TENM3: variants seen among roughly 807,000 people sequenced by gnomAD.
TENM3 encodes the protein teneurin transmembrane protein 3, also known as teneurin-3.
A neutral mutation model predicts 255.1 loss-of-function variants in TENM3; 63 were observed. The observed-to-expected ratio is 0.25, with a 90% CI of 0.20 to 0.30. The LOEUF (loss-of-function observed/expected upper bound fraction) is 0.30. Ranked by LOEUF, TENM3 falls within the 10% of genes least tolerant of loss-of-function variation. TENM3 has a pLI of 1.00. For missense variants in TENM3, 2,929 were observed against 3,461.1 expected (o/e 0.85, Z 3.86); for synonymous variants, 1,306 against 1,322.3 (o/e 0.99, Z 0.27).
chr4:181,764,609 C>A, the TENM3 span, among the ~76,000 whole-genome samples: 20 of 152,248 alleles, frequency 1.3e-4, no homozygotes, highest in South Asian at 4.1e-3. Context: ...AGCAACTATT[C>A]CCCCAGAAGA....
chr4:182,247,692 G>A lies in TENM3; in HGVS notation c.-76+4216G>A, dbSNP rs533512136. 1.7e-4 allele frequency among the ~76,000 whole-genome samples: 26 copies of A among 152,272 alleles called. No homozygotes were observed. In the South Asian group the frequency reaches 5.4e-3, roughly 32 times the overall value. ...TACTGAAATGACAAATAAGTAAATC[G>A]CAGTAGCAACTGGACCAAGGATGGC... is the stretch of plus-strand genomic sequence containing the variant. On this transcript the variant is annotated intron_variant, in intron 1 of 27. Transcript: ENST00000511685.
the TENM3 span, among the ~76,000 whole-genome samples, chr4:181,716,188 A>G: frequency 1.3e-5 from 2 of 152,232 alleles, no homozygotes; most frequent in Non-Finnish European, 2.9e-5. Flanking sequence ...TAGAAATATA[A>G]TCTTAGGCAC....
the TENM3 span, among the ~76,000 whole-genome samples, chr4:181,681,451 G>T: frequency 6.6e-6 from 1 of 152,010 alleles, no homozygotes; most frequent in Non-Finnish European, 1.5e-5. Context: ...AAAGCCTTAG[G>T]GGTTCAGTGG....
chr4:181,472,333 C>A, the TENM3 span, among the ~76,000 whole-genome samples: 1 of 151,124 alleles, frequency 6.6e-6, no homozygotes, highest in Non-Finnish European at 1.5e-5. Flanking sequence ...GTGGAAGGAC[C>A]CTTACAACAA....
the TENM3 span, among the ~76,000 whole-genome samples, chr4:181,528,384 A>G: frequency 1.1e-4 from 16 of 152,336 alleles, no homozygotes; most frequent in South Asian, 3.3e-3. Context: ...ACCCTCTAGC[A>G]CAGTGCTGTG....
chr4:182,250,070 TGAGACG>T (rs1185408062), intron 1 of TENM3, among the ~76,000 whole-genome samples: 4 of 150,138 alleles, frequency 2.7e-5, no homozygotes. Context: ...TTTTTTTTTT[TGAGACG>T]GAGTCTTGCT....
chr4:182,700,479 C>T (rs1294097895), intron 12 of TENM3, among the ~76,000 whole-genome samples: 1 of 152,152 alleles, frequency 6.6e-6, no homozygotes, highest in Non-Finnish European at 1.5e-5. Context: ...TTCCAGCAGC[C>T]TTCGTATTTA....
At chr4:181,895,120 G>T in the TENM3 span, among the ~76,000 whole-genome samples, 1 of 151,714 alleles carries the variant, frequency 6.6e-6, no homozygotes, top group Non-Finnish European at 1.5e-5. Context: ...ATTCTAATAA[G>T]CAGGAAGTTA....
At chr4:181,672,559 G>A in the TENM3 span, among the ~76,000 whole-genome samples, 1 of 152,130 alleles carries the variant, frequency 6.6e-6, no homozygotes, top group Non-Finnish European at 1.5e-5. Flanking sequence ...AAGTAATTTA[G>A]CCCAGCTTCC....
the TENM3 span, among the ~76,000 whole-genome samples, chr4:181,606,280 A>T: frequency 6.6e-6 from 1 of 152,074 alleles, no homozygotes; most frequent in African/African-American, 2.4e-5. Flanking sequence ...CTGTTTGAAT[A>T]ACTCCACAGC....
At chr4:181,461,359 TTTTA>T in the TENM3 span, among the ~76,000 whole-genome samples, 2 of 152,114 alleles carry the variant, frequency 1.3e-5, no homozygotes, top group African/African-American at 2.4e-5. Context: ...CTTGGTGTGG[TTTTA>T]TTTGTTTATT....
Position 182,694,164 on chromosome 4 carries a change from C to T in TENM3, c.2221+5813C>T, listed in dbSNP as rs781491788. Among the ~76,000 whole-genome samples, 6 of 151,936 alleles carry T rather than the reference C, an allele frequency of 3.9e-5. No homozygotes were observed. The East Asian group carries it at 7.8e-4, about 20-fold the overall frequency. ...TCACTCAGTTGCCCAGGCTGGACTG[C>T]GGTGATACGGTCACGGCTCACTGCA... On this transcript the variant is annotated intron_variant, in intron 12 of 27. Transcript: ENST00000511685.
At chr4:182,540,488 G>C (rs1473476221) in intron 3 of TENM3, among the ~76,000 whole-genome samples, 1 of 152,152 alleles carries the variant, frequency 6.6e-6, no homozygotes, top group Non-Finnish European at 1.5e-5. Context: ...ACGGGAGGCG[G>C]AGGCAGGAGA....
chr4:181,649,877 C>G, the TENM3 span, among the ~76,000 whole-genome samples: 1 of 152,136 alleles, frequency 6.6e-6, no homozygotes, highest in African/African-American at 2.4e-5. Context: ...TTCCAGTCAA[C>G]TTGGATCAGG....
chr4:182,587,342 C>T (rs756230138), intron 3 of TENM3, among the ~76,000 whole-genome samples: 11 of 152,000 alleles, frequency 7.2e-5, no homozygotes, highest in East Asian at 1.9e-4. Flanking sequence ...CTGAGGCAGG[C>T]GGATCACCTG....
At chr4:181,452,512 C>T in the TENM3 span, among the ~76,000 whole-genome samples, 1 of 152,064 alleles carries the variant, frequency 6.6e-6, no homozygotes, top group Non-Finnish European at 1.5e-5. Context: ...CTCCCTTTTG[C>T]TTGGTATTTC....
the TENM3 span, among the ~76,000 whole-genome samples, chr4:181,578,923 AG>A: frequency 6.6e-6 from 1 of 152,170 alleles, no homozygotes; most frequent in East Asian, 1.9e-4. Context: ...CATTTTTGGT[AG>A]GTGGGGAAGG....
At chr4:182,597,998 A>G (rs1396088754) in intron 3 of TENM3, among the ~76,000 whole-genome samples, 9 of 152,042 alleles carry the variant, frequency 5.9e-5, no homozygotes, top group Non-Finnish European at 1.0e-4. Flanking sequence ...TGGGCAACAT[A>G]GTGAGACCTT....
the TENM3 span, among the ~76,000 whole-genome samples, chr4:181,554,100 A>G: frequency 1.3e-5 from 2 of 152,318 alleles, no homozygotes; most frequent in African/African-American, 2.4e-5. Flanking sequence ...GAGGAAGAGG[A>G]TAAGTAGAAC....
Sources: gnomAD v4.1 joint callset for allele counts (sites outside exome capture counted in the v4.1 genomes callset) on GRCh38, gnomAD v4.1.1 for gene constraint, MANE v1.5 for transcripts, NCBI Gene and HGNC (gene_info 2026-07-23, HGNC 2026-07-21) for gene names.